Variants in KIAA1549L observed in about 807,000 individuals in gnomAD.
KIAA1549L encodes KIAA1549 like, also known as UPF0606 protein KIAA1549L.
In KIAA1549L, 88 loss-of-function variants were observed where a neutral mutation model predicts 160.7. The observed-to-expected ratio is 0.55, with a 90% CI of 0.46 to 0.65. The LOEUF is 0.65. Among genes scored for constraint, KIAA1549L ranks in the 30% least tolerant of loss-of-function variants. The probability of loss-of-function intolerance (pLI) is 0.00; values close to 1 mark genes in which losing one functional copy is unlikely to be tolerated. For synonymous variants in KIAA1549L, 950 were observed against 976.7 expected (o/e 0.97, Z 0.51); for missense variants, 2,258 against 2,437.5 (o/e 0.93, Z 1.55).
chr11:33,615,534 T>C (rs559140571), intron 15 of KIAA1549L, among the ~76,000 whole-genome samples: 1 of 152,280 alleles, frequency 6.6e-6, no homozygotes, highest in Non-Finnish European at 1.5e-5. Flanking sequence ...GAGAGTCTAA[T>C]TTATTTTTAC....
intron 1 of KIAA1549L, among the ~76,000 whole-genome samples, chr11:33,392,424 G>T (rs1228159612): frequency 6.6e-6 from 1 of 152,076 alleles, no homozygotes; most frequent in Non-Finnish European, 1.5e-5. Context: ...TCGCATACAT[G>T]TCATTGATTA....
chr11:33,627,421 G>T (rs1307651275), intron 16 of KIAA1549L, among the ~76,000 whole-genome samples: 1 of 151,942 alleles, frequency 6.6e-6, no homozygotes, highest in Non-Finnish European at 1.5e-5. Context: ...ATTGATTATT[G>T]CCTCAATTCC....
chr11:33,560,804 A>C (rs1029111173), intron 7 of KIAA1549L, among the ~76,000 whole-genome samples: 9 of 152,304 alleles, frequency 5.9e-5, no homozygotes, highest in African/African-American at 2.2e-4. Context: ...AATACGCGTG[A>C]ATGTACTTAG....
intron 1 of KIAA1549L, among the ~76,000 whole-genome samples, chr11:33,383,865 T>C (rs896140064): frequency 2.6e-5 from 4 of 152,338 alleles, no homozygotes; most frequent in Admixed American, 1.3e-4. Context: ...TTAGAATCTT[T>C]TTGTTTTCAA....
At chr11:33,394,414 T>C (rs147411612) in intron 1 of KIAA1549L, among the ~76,000 whole-genome samples, 2 of 25,794 alleles carry the variant, frequency 7.8e-5, no homozygotes, top group African/African-American at 1.8e-4. Context: ...AATAAATAAA[T>C]AAATAAACAA....
chr11:33,597,782 A>C (rs901400765), intron 12 of KIAA1549L, among the ~76,000 whole-genome samples: 1 of 152,110 alleles, frequency 6.6e-6, no homozygotes, highest in African/African-American at 2.4e-5. Flanking sequence ...ATCTTTGGTC[A>C]TTGTATGGGA....
At chr11:33,562,110 G>A (rs967345397) in intron 8 of KIAA1549L, among the ~76,000 whole-genome samples, 4 of 152,174 alleles carry the variant, frequency 2.6e-5, no homozygotes, top group Non-Finnish European at 4.4e-5. Flanking sequence ...GAGGAAGGCC[G>A]GGCATGCACT....
chr11:33,631,877 A>G (rs531464402), intron 16 of KIAA1549L, among the ~76,000 whole-genome samples: 1 of 152,332 alleles, frequency 6.6e-6, no homozygotes, highest in South Asian at 2.1e-4. Context: ...ACTGGCACAC[A>G]GTAGATGCGG....
At chr11:33,623,494 G>A (rs1206664846) in intron 16 of KIAA1549L, among the ~76,000 whole-genome samples, 1 of 152,028 alleles carries the variant, frequency 6.6e-6, no homozygotes, top group Non-Finnish European at 1.5e-5. Flanking sequence ...TTAATTTACG[G>A]TACATTATAT....
At position 33,509,519 on chromosome 11, in the gene KIAA1549L, G is replaced by A. The variant is rs190802321; in HGVS notation, c.239-32283G>A. Reference sequence around the variant, plus strand: ...GCAGCAGAAAGGACCCACTCGGGAAGTGAAGGTTAATGTTCGGTTTCATAG... The same window carrying A: ...GCAGCAGAAAGGACCCACTCGGGAAATGAAGGTTAATGTTCGGTTTCATAG... On this transcript the variant is annotated intron_variant, in intron 1 of 20. Coordinates refer to ENST00000658780, the MANE Select transcript of KIAA1549L (RefSeq NM_012194.3). Among the ~76,000 whole-genome samples the A allele has an allele frequency of 1.9e-3, 292 of 152,334 alleles. 2 individuals carry two copies. Among genetic ancestry groups the A allele is most frequent in the African/African-American group, 6.3e-3 (263 of 41,572 alleles).
intron 16 of KIAA1549L, among the ~76,000 whole-genome samples, chr11:33,634,411 C>G (rs996876279): frequency 6.6e-6 from 1 of 152,172 alleles, no homozygotes; most frequent in East Asian, 1.9e-4. Context: ...GTGCCTTTCT[C>G]CAGCATGACT....
intron 15 of KIAA1549L, 130 bp downstream of exon 15, chr11:33,610,096 C>A: frequency 1.5e-6 from 1 of 675,536 alleles, no homozygotes; most frequent in Non-Finnish European, 2.6e-6. Flanking sequence ...CTGATTTGTA[C>A]CACGCTGGTC....
chr11:33,554,811 T>A (rs2133205665), intron 6 of KIAA1549L, among the ~76,000 whole-genome samples: 1 of 152,334 alleles, frequency 6.6e-6, no homozygotes, highest in Admixed American at 6.5e-5. Flanking sequence ...ATTGTGATGC[T>A]ATCAAGAAGG....
chr11:33,591,213 T>C (rs1164999437), intron 11 of KIAA1549L, 24 bp from the exon 12 acceptor site: 1 of 1,585,600 alleles, frequency 6.3e-7, no homozygotes, highest in Admixed American at 1.8e-5. Context: ...GAAATACGAC[T>C]GCAAATCTGT....
intron 13 of KIAA1549L, among the ~76,000 whole-genome samples, chr11:33,603,378 G>C (rs1850412751): frequency 6.6e-6 from 1 of 151,916 alleles, no homozygotes; most frequent in East Asian, 1.9e-4. Context: ...GTTGGTTAAG[G>C]AAAGTCATTT....
intron 1 of KIAA1549L, among the ~76,000 whole-genome samples, chr11:33,400,993 A>T (rs576982474): frequency 6.6e-6 from 1 of 152,194 alleles, no homozygotes; most frequent in African/African-American, 2.4e-5. Flanking sequence ...GCTAAGCTGA[A>T]TGCTCTCCAT....
chr11:33,420,330 G>C (rs1292392843), intron 1 of KIAA1549L, among the ~76,000 whole-genome samples: 1 of 145,750 alleles, frequency 6.9e-6, no homozygotes, highest in African/African-American at 2.5e-5. Context: ...TCAGGCTCAA[G>C]CAACCCTCCC....
At chr11:33,414,776 A>G (rs1415571940) in intron 1 of KIAA1549L, among the ~76,000 whole-genome samples, 1 of 152,106 alleles carries the variant, frequency 6.6e-6, no homozygotes, top group Admixed American at 6.6e-5. Context: ...CGAATAAATA[A>G]TGTGTTTTTA....
rs1421504258 is a variant in KIAA1549L at position 33,564,314 on chromosome 11, T to G, written c.4078+2579T>G. 2.0e-5 allele frequency among the ~76,000 whole-genome samples: 3 copies of G among 152,260 alleles called. No individual in the cohort carries two copies. The East Asian group carries it at 5.8e-4, about 29-fold the overall frequency. Reference sequence around the variant, plus strand: ...CATGCATCACAGGCTTTCTGTCTTCTGCTCATTTCTAACAGCCAAGAGGAT... The same window carrying G: ...CATGCATCACAGGCTTTCTGTCTTCGGCTCATTTCTAACAGCCAAGAGGAT... On this transcript the variant is annotated intron_variant, in intron 8 of 20. Transcript: ENST00000658780.
Sources: allele counts gnomAD v4.1 joint callset (sites outside exome capture counted in the v4.1 genomes callset), GRCh38; gene constraint gnomAD v4.1.1; transcripts MANE v1.5; gene names NCBI Gene and HGNC (gene_info 2026-07-23, HGNC 2026-07-21).